The following ZNF732 variants were observed in gnomAD, a reference collection of about 807,000 sequenced individuals.
ZNF732 encodes the protein zinc finger protein 732, also known as zinc finger protein LOC654254.
A neutral mutation model predicts 11.5 loss-of-function variants in ZNF732; 12 were observed. The observed-to-expected ratio is 1.05, with a 90% CI of 0.67 to 1.70. ZNF732 has a LOEUF of 1.70. Ranked by LOEUF, ZNF732 falls within the 40% of genes most tolerant of loss-of-function variation. The pLI is 0.00. For synonymous variants in ZNF732, 231 were observed against 236.5 expected (o/e 0.98, Z 0.21); for missense variants, 702 against 676.9 (o/e 1.04, Z -0.41).
At chr4:298,244 C>T (rs894516100) in intron 1 of ZNF732, among the ~76,000 whole-genome samples, 4 of 152,144 alleles carry the variant, frequency 2.6e-5, no homozygotes, top group African/African-American at 4.8e-5. Flanking sequence ...GTACAATTTC[C>T]ATCTTTGTAC....
intron 1 of ZNF732, among the ~76,000 whole-genome samples, chr4:300,327 G>A (rs189452282): frequency 2.6e-5 from 4 of 151,454 alleles, no homozygotes; most frequent in Admixed American, 2.6e-4. Context: ...GCCAGGCATG[G>A]TGGTGGGTGC....
intron 1 of ZNF732, among the ~76,000 whole-genome samples, chr4:297,607 T>TAAAAAAA (rs57681246): frequency 1.2e-3 from 126 of 100,970 alleles, no homozygotes; most frequent in African/African-American, 4.2e-3. Context: ...TTAAGATTTG[T>TAAAAAAA]AAAAAAAAAA....
intron 3 of ZNF732, among the ~76,000 whole-genome samples, chr4:285,225 C>T (rs1468475426): frequency 1.3e-5 from 2 of 152,034 alleles, no homozygotes; most frequent in Non-Finnish European, 2.9e-5. Flanking sequence ...TATCAAGAAC[C>T]CAAGAGTGAG....
chr4:291,127 G>A (rs544696192), intron 3 of ZNF732, among the ~76,000 whole-genome samples: 1 of 152,290 alleles, frequency 6.6e-6, no homozygotes, highest in East Asian at 1.9e-4. Context: ...GTTACTGTTT[G>A]TAGATAATAT....
intron 3 of ZNF732, among the ~76,000 whole-genome samples, chr4:292,557 C>CAA (rs200025940): frequency 1.7e-4 from 15 of 90,004 alleles, no homozygotes; most frequent in Non-Finnish European, 2.5e-4. Flanking sequence ...AACTCTGTCT[C>CAA]AAAAAAAAAA....
At chr4:295,015 T>C (rs186285353) in intron 3 of ZNF732, among the ~76,000 whole-genome samples, 1 of 152,204 alleles carries the variant, frequency 6.6e-6, no homozygotes, top group Admixed American at 6.5e-5. Flanking sequence ...CTGTCCCTGA[T>C]GTTCTTGGGA....
chr4:299,044 T>C (rs999602268), intron 1 of ZNF732, among the ~76,000 whole-genome samples: 7 of 152,126 alleles, frequency 4.6e-5, no homozygotes, highest in Non-Finnish European at 1.0e-4. Context: ...TTCTGTTATG[T>C]CTTCAGCCCA....
At chr4:277,736 CTG>C (rs1483486523) in intron 3 of ZNF732, among the ~76,000 whole-genome samples, 1 of 151,978 alleles carries the variant, frequency 6.6e-6, no homozygotes, top group African/African-American at 2.4e-5. Flanking sequence ...TATTTTAACA[CTG>C]TTTCTTTGAC....
chr4:299,488 TATGTGTGTATATATACACAC>T (rs1343133147), intron 1 of ZNF732, among the ~76,000 whole-genome samples: 5 of 104,954 alleles, frequency 4.8e-5, no homozygotes, highest in Non-Finnish European at 7.4e-5. Flanking sequence ...TATATACACA[TATGTGTGTATATATACACAC>T]ATATACGTAT....
At chr4:284,610 T>C (rs1719688413) in intron 3 of ZNF732, among the ~76,000 whole-genome samples, 1 of 152,032 alleles carries the variant, frequency 6.6e-6, no homozygotes, top group Admixed American at 6.5e-5. Flanking sequence ...CAGTGGCTCA[T>C]GCCTGTAATC....
chr4:299,470 T>TAC (rs1489419234), intron 1 of ZNF732, among the ~76,000 whole-genome samples: 1 of 97,382 alleles, frequency 1.0e-5, no homozygotes, highest in East Asian at 3.2e-4. Context: ...TGTATATATA[T>TAC]ATACACATAT....
intron 3 of ZNF732, among the ~76,000 whole-genome samples, chr4:276,861 G>T (rs781943402): frequency 6.6e-6 from 1 of 151,172 alleles, no homozygotes; most frequent in African/African-American, 2.4e-5. Context: ...AATCCTAAGG[G>T]GGGGACAAAA....
intron 3 of ZNF732, among the ~76,000 whole-genome samples, chr4:275,555 G>A (rs1178105984): frequency 6.6e-6 from 1 of 151,656 alleles, no homozygotes; most frequent in Non-Finnish European, 1.5e-5. Context: ...TGAACAGCTA[G>A]ATCAACTAAA....
At position 271,063 on chromosome 4, in the gene ZNF732, G is replaced by C; in HGVS notation, c.*36C>G. The C allele has an allele frequency of 1.4e-6, 2 of 1,435,962 alleles. No individual in the cohort carries two copies. Among genetic ancestry groups the C allele is most frequent in the Non-Finnish European group, 1.9e-6 (2 of 1,073,548 alleles). The allele number at this position is 1,435,962 out of a possible 1,614,324, so 89.0% of individuals were successfully genotyped here. A position where few individuals can be genotyped will look rare whatever the true frequency, so the allele number is the denominator to read the frequency against. ...TTTTCTTATGTTCATTCAGGTTTGT[G>C]GATCATCCAAAGGCTTTGCCACATT... On this transcript the variant is annotated 3_prime_UTR_variant, in exon 4 of 4. Transcript: ENST00000419098.
intron 3 of ZNF732, among the ~76,000 whole-genome samples, chr4:286,134 T>TTAAACA (rs1343020409): frequency 1.3e-5 from 2 of 152,206 alleles, no homozygotes. Flanking sequence ...CTATGCATAT[T>TTAAACA]TTGCATTAAT....
intron 3 of ZNF732, among the ~76,000 whole-genome samples, chr4:291,642 T>C (rs534959048): frequency 1.3e-5 from 2 of 152,314 alleles, no homozygotes; most frequent in African/African-American, 4.8e-5. Flanking sequence ...AAAGTATATT[T>C]TCGAAAGTGA....
At chr4:278,781 C>A (rs546518855) in intron 3 of ZNF732, among the ~76,000 whole-genome samples, 2 of 152,146 alleles carry the variant, frequency 1.3e-5, no homozygotes, top group Non-Finnish European at 2.9e-5. Flanking sequence ...GGAAGGGTGG[C>A]GGACTCTGGA....
At chr4:294,041 G>A (rs770884982) in intron 3 of ZNF732, among the ~76,000 whole-genome samples, 1 of 152,098 alleles carries the variant, frequency 6.6e-6, no homozygotes, top group Non-Finnish European at 1.5e-5. Flanking sequence ...TGCTCATGTC[G>A]TCTAGACTGG....
chr4:295,884 T>C (rs1719939846), intron 2 of ZNF732, 145 bp downstream of exon 2: 2 of 1,064,434 alleles, frequency 1.9e-6, no homozygotes, highest in African/African-American at 1.6e-5. Flanking sequence ...ATATTCTTTT[T>C]TACACCAGCA....
Sources: allele counts gnomAD v4.1 joint callset (sites outside exome capture counted in the v4.1 genomes callset), GRCh38; gene constraint gnomAD v4.1.1; transcripts MANE v1.5; gene names NCBI Gene and HGNC (gene_info 2026-07-23, HGNC 2026-07-21).